The following AMBRA1 variants were observed in gnomAD, a reference collection of about 807,000 sequenced individuals.
The protein encoded by AMBRA1 is activating molecule in BECN1-regulated autophagy protein 1.
In AMBRA1, 47 loss-of-function variants were observed where a neutral mutation model predicts 125.4. That is an observed-to-expected ratio of 0.37 (90% confidence interval 0.30 to 0.48). The LOEUF is 0.48. Ranked by LOEUF, AMBRA1 falls within the 20% of genes least tolerant of loss-of-function variation. The pLI is 0.99. For synonymous variants in AMBRA1, 626 were observed against 655.5 expected (o/e 0.95, Z 0.69); for missense variants, 1,331 against 1,693.4 (o/e 0.79, Z 3.76).
intron 12 of AMBRA1, among the ~76,000 whole-genome samples, chr11:46,435,887 G>A (rs773693636): frequency 5.3e-5 from 8 of 152,274 alleles, no homozygotes; most frequent in Non-Finnish European, 7.4e-5. Flanking sequence ...GCCTTGTTTC[G>A]GTTTTCATTT....
chr11:46,398,867 G>C (rs557624932), intron 17 of AMBRA1, among the ~76,000 whole-genome samples: 106 of 151,830 alleles, frequency 7.0e-4, no homozygotes, highest in Non-Finnish European at 1.4e-3. Flanking sequence ...TCCGCCTCCC[G>C]GGTTCAAGCA....
At chr11:46,584,604 AT>A (rs887161213) in intron 1 of AMBRA1, among the ~76,000 whole-genome samples, 9 of 150,596 alleles carry the variant, frequency 6.0e-5, no homozygotes, top group East Asian at 1.9e-4. Flanking sequence ...ACTAGAAAGA[AT>A]TTTTTTTTTA....
intron 1 of AMBRA1, among the ~76,000 whole-genome samples, chr11:46,551,857 ATC>A (rs1399471165): frequency 6.6e-6 from 1 of 152,016 alleles, no homozygotes; most frequent in African/African-American, 2.4e-5. Flanking sequence ...GTGAAACCCC[ATC>A]TCTACTAAAA....
chr11:46,432,576 T>C (rs1016963802), intron 14 of AMBRA1, among the ~76,000 whole-genome samples: 1 of 152,158 alleles, frequency 6.6e-6, no homozygotes, highest in African/African-American at 2.4e-5. Flanking sequence ...TCAACAGCCA[T>C]CTACATGCAC....
Position 46,508,427 on chromosome 11 carries a change from A to G in AMBRA1, c.2160-57T>C, listed in dbSNP as rs1237820719. 1.9e-6 allele frequency: 3 copies of G among 1,542,224 alleles called. No individual in the cohort carries two copies. In the African/African-American group the frequency reaches 4.1e-5, roughly 21 times the overall value. ...TAGCACTAATGTGGGGAATACTATG[A>G]AAGGCAGTTAATCCAGCTCTCCCAT... On this transcript the variant is annotated intron_variant, in intron 8 of 17. Transcript: ENST00000683756.
At chr11:46,503,823 G>T (rs557212027) in intron 9 of AMBRA1, among the ~76,000 whole-genome samples, 1 of 152,316 alleles carries the variant, frequency 6.6e-6, no homozygotes, top group South Asian at 2.1e-4. Context: ...TACAGCCCGT[G>T]TGTCAAAATT....
chr11:46,427,513 C>T (rs1422941610), intron 14 of AMBRA1, among the ~76,000 whole-genome samples: 1 of 152,218 alleles, frequency 6.6e-6, no homozygotes, highest in African/African-American at 2.4e-5. Context: ...TCGTTCTTAA[C>T]TTAGCGCGCA....
intron 7 of AMBRA1, among the ~76,000 whole-genome samples, chr11:46,538,682 G>C (rs1052239352): frequency 6.6e-6 from 1 of 152,048 alleles, no homozygotes; most frequent in African/African-American, 2.4e-5. Flanking sequence ...ATTTTTAATA[G>C]AGACGCGGTT....
At chr11:46,417,836 A>G in intron 15 of AMBRA1, 77 bp downstream of exon 15, 1 of 1,447,292 alleles carries the variant, frequency 6.9e-7, no homozygotes. Context: ...CTTCTAAAAG[A>G]CCCCAGTTGG....
chr11:46,516,024 T>C (rs1348979395), intron 7 of AMBRA1, among the ~76,000 whole-genome samples: 1 of 152,146 alleles, frequency 6.6e-6, no homozygotes, highest in Non-Finnish European at 1.5e-5. Flanking sequence ...CTTAACTTCC[T>C]ACCTTAATTA....
At chr11:46,419,199 A>C (rs1393195645) in intron 14 of AMBRA1, among the ~76,000 whole-genome samples, 2 of 152,184 alleles carry the variant, frequency 1.3e-5, no homozygotes, top group African/African-American at 4.8e-5. Flanking sequence ...TTCCAAGCTA[A>C]TATTTTCTGA....
At chr11:46,430,846 G>A (rs1163303420) in intron 14 of AMBRA1, among the ~76,000 whole-genome samples, 1 of 152,132 alleles carries the variant, frequency 6.6e-6, no homozygotes, top group Non-Finnish European at 1.5e-5. Flanking sequence ...ATTCCTTTAT[G>A]GTCAGAGCTT....
intron 1 of AMBRA1, among the ~76,000 whole-genome samples, chr11:46,584,267 A>T (rs35327580): frequency 2.1e-5 from 3 of 146,034 alleles, no homozygotes; most frequent in African/African-American, 7.8e-5. Flanking sequence ...GTAAACTATC[A>T]CAAGGACAAA....
intron 14 of AMBRA1, among the ~76,000 whole-genome samples, chr11:46,419,065 T>A (rs1946716501): frequency 6.6e-6 from 1 of 152,194 alleles, no homozygotes; most frequent in African/African-American, 2.4e-5. Context: ...AAACTGCTAT[T>A]GTTAAGGAAA....
chr11:46,535,039 A>G (rs1052292597), intron 7 of AMBRA1, among the ~76,000 whole-genome samples: 5 of 152,182 alleles, frequency 3.3e-5, no homozygotes, highest in Non-Finnish European at 7.3e-5. Context: ...ATCTCTTAAA[A>G]TAAGTTTGTT....
intron 7 of AMBRA1, among the ~76,000 whole-genome samples, chr11:46,536,516 T>C (rs763082604): frequency 7.9e-5 from 12 of 152,194 alleles, no homozygotes; most frequent in Non-Finnish European, 1.3e-4. Context: ...GCTAGATCAA[T>C]GGCACAGAAA....
chr11:46,551,134 T>C (rs1164023498), intron 1 of AMBRA1, among the ~76,000 whole-genome samples: 8 of 144,880 alleles, frequency 5.5e-5, no homozygotes, highest in African/African-American at 1.5e-4. Context: ...GTCCAAAATA[T>C]ATTGTCGAGA....
At chr11:46,545,122 C>T (rs1952940494) in intron 5 of AMBRA1, among the ~76,000 whole-genome samples, 1 of 112,402 alleles carries the variant, frequency 8.9e-6, no homozygotes, top group Non-Finnish European at 1.7e-5. Flanking sequence ...GCCTGGGTAA[C>T]AGAGCAAGAC....
chr11:46,543,426 G>T (rs772073270), intron 6 of AMBRA1, 28 bp from the exon 7 acceptor site: 5 of 1,606,570 alleles, frequency 3.1e-6, no homozygotes, highest in Non-Finnish European at 4.2e-6. Flanking sequence ...ATGGGGCAGG[G>T]GGTAGAGCAA....
Sources: allele counts gnomAD v4.1 joint callset (sites outside exome capture counted in the v4.1 genomes callset), GRCh38; gene constraint gnomAD v4.1.1; transcripts MANE v1.5; gene names NCBI Gene and HGNC (gene_info 2026-07-23, HGNC 2026-07-21).